The following MAP3K20 variants were observed in gnomAD, a reference collection of about 807,000 sequenced individuals.
The protein encoded by MAP3K20 is mitogen-activated protein kinase kinase kinase 20, also known as HCCS-4.
In MAP3K20, 40 loss-of-function variants were observed where a neutral mutation model predicts 85.7. The ratio of observed to expected loss-of-function variants is 0.47; its 90% CI spans 0.36 to 0.61. The LOEUF is 0.61. Among genes scored for constraint, MAP3K20 ranks in the 20% least tolerant of loss-of-function variants. MAP3K20 has a pLI of 0.00. For synonymous variants in MAP3K20, 325 were observed against 327.7 expected (o/e 0.99, Z 0.09); for missense variants, 817 against 961.7 (o/e 0.85, Z 1.99).
At chr2:173,173,603 A>C (rs753762906) in intron 3 of MAP3K20, among the ~76,000 whole-genome samples, 2 of 152,214 alleles carry the variant, frequency 1.3e-5, no homozygotes, top group Non-Finnish European at 2.9e-5. Context: ...GATTTATTTT[A>C]AGCACAGATA....
intron 11 of MAP3K20, chr2:173,221,371 C>T: frequency 6.2e-7 from 1 of 1,613,960 alleles, no homozygotes. Context: ...TGCAGATAAA[C>T]ATGCAAGCCA....
intron 3 of MAP3K20, among the ~76,000 whole-genome samples, chr2:173,174,385 G>A (rs1244002911): frequency 6.6e-6 from 1 of 152,164 alleles, no homozygotes; most frequent in African/African-American, 2.4e-5. Context: ...AGGCCCTGGT[G>A]TGTGATGTTC....
At chr2:173,082,549 G>A (rs944543569) in intron 1 of MAP3K20, among the ~76,000 whole-genome samples, 6 of 152,232 alleles carry the variant, frequency 3.9e-5, no homozygotes, top group African/African-American at 1.4e-4. Context: ...AACAAGGGCT[G>A]AGTAGCAGCA....
chr2:173,119,932 A>G (rs1688232012), intron 2 of MAP3K20, among the ~76,000 whole-genome samples: 1 of 152,196 alleles, frequency 6.6e-6, no homozygotes, highest in African/African-American at 2.4e-5. Context: ...CAATTTGTAT[A>G]TAAAATAACA....
chr2:173,076,163 C>T (rs1686850167), intron 1 of MAP3K20, among the ~76,000 whole-genome samples, 161 bp downstream of exon 1: 1 of 151,318 alleles, frequency 6.6e-6, no homozygotes, highest in South Asian at 2.1e-4. Context: ...GACCCAGGGC[C>T]CGCCCGGCGG....
At chr2:173,262,133 T>C (rs533740815) in intron 18 of MAP3K20, among the ~76,000 whole-genome samples, 1 of 152,328 alleles carries the variant, frequency 6.6e-6, no homozygotes, top group Non-Finnish European at 1.5e-5. Flanking sequence ...GACAGAATTG[T>C]TGAAGTCAAT....
intron 2 of MAP3K20, among the ~76,000 whole-genome samples, chr2:173,139,599 T>C (rs1006938299): frequency 2.6e-5 from 4 of 152,234 alleles, no homozygotes. Flanking sequence ...CTGATTGTTA[T>C]CTTACTTATA....
At chr2:173,105,882 T>G (rs1451733925) in intron 2 of MAP3K20, among the ~76,000 whole-genome samples, 1 of 152,184 alleles carries the variant, frequency 6.6e-6, no homozygotes, top group East Asian at 1.9e-4. Context: ...CCCTGAATTA[T>G]GCACTTAAAA....
At chr2:173,222,528 C>T (rs1228594865) in intron 11 of MAP3K20, 5 of 985,644 alleles carry the variant, frequency 5.1e-6, no homozygotes, top group African/African-American at 3.5e-5. Context: ...TAAGGGGATG[C>T]TTCCAGGGGG....
In MAP3K20 at chr2:173,261,149, G is replaced by A; in HGVS notation, c.1551+12G>A. 2 of 1,613,116 alleles carry A rather than the reference G, an allele frequency of 1.2e-6. No homozygotes were observed. The highest frequency in any genetic ancestry group is 1.7e-6 in the Non-Finnish European group (2 of 1,179,368). ...CTGTCACATATGAGGTAAGCTCTGG[G>A]GGCAAGAGGCTGGTGGCCTCACCAT... On this transcript the variant is annotated intron_variant, in intron 18 of 19. Transcript: ENST00000375213.
chr2:173,232,420 C>G lies in MAP3K20; in HGVS notation c.1164C>G (p.Asp388Glu). The G allele has an allele frequency of 5.6e-6, 9 of 1,614,236 alleles. No individual in the cohort carries two copies. Among genetic ancestry groups the G allele is most frequent in the Non-Finnish European group, 7.6e-6 (9 of 1,180,044 alleles). ...LLLLEEEDLKDMGIVSKGHII... is the reference protein window; with the variant it reads ...LLLLEEEDLKEMGIVSKGHII... The stretch of plus-strand genomic sequence containing the variant: ...TGCTGGAGGAAGAAGACCTGAAAGA[C>G]ATGGGCATTGTCTCCAAGGGGCATA... Residue 388 changes from aspartate (D) to glutamate (E), a missense_variant, in exon 14 of 20, where the codon GAC (aspartate) becomes GAG (glutamate). Coordinates refer to ENST00000375213, the MANE Select transcript of MAP3K20 (RefSeq NM_016653.3).
At chr2:173,171,264 AT>A (rs1216311542) in intron 3 of MAP3K20, among the ~76,000 whole-genome samples, 2 of 152,070 alleles carry the variant, frequency 1.3e-5, no homozygotes, top group Non-Finnish European at 2.9e-5. Flanking sequence ...TGTCCATTGT[AT>A]CTACTTCTTT....
intron 9 of MAP3K20, 29 bp from the exon 10 acceptor site, chr2:173,209,700 C>G (rs182417621): frequency 6.4e-7 from 1 of 1,571,458 alleles, no homozygotes; most frequent in African/African-American, 1.4e-5. Flanking sequence ...TAAGTCCCAG[C>G]GAATGATTAC....
chr2:173,188,304 A>G (rs1690550252), intron 5 of MAP3K20, among the ~76,000 whole-genome samples: 1 of 152,230 alleles, frequency 6.6e-6, no homozygotes, highest in Non-Finnish European at 1.5e-5. Context: ...CTGTTACATC[A>G]CTTCAGAGTT....
intron 14 of MAP3K20, among the ~76,000 whole-genome samples, chr2:173,236,102 C>T (rs1331089555): frequency 6.6e-6 from 1 of 151,762 alleles, no homozygotes; most frequent in African/African-American, 2.4e-5. Flanking sequence ...CTTGCCTCTG[C>T]AAAAAATGCA....
intron 2 of MAP3K20, among the ~76,000 whole-genome samples, chr2:173,108,350 C>T (rs535188686): frequency 6.6e-6 from 1 of 152,188 alleles, no homozygotes; most frequent in South Asian, 2.1e-4. Flanking sequence ...AGGCTGGTCT[C>T]GAACTCCTGA....
At chr2:173,217,306 G>GAGCATGGC (rs1684104885) in intron 11 of MAP3K20, 56 bp downstream of exon 11, 5 of 1,394,184 alleles carry the variant, frequency 3.6e-6, no homozygotes, top group Non-Finnish European at 3.8e-6. Flanking sequence ...CTGCGCAGCT[G>GAGCATGGC]AGCATGGCAG....
At chr2:173,126,312 T>C (rs1041268874) in intron 2 of MAP3K20, among the ~76,000 whole-genome samples, 1 of 152,084 alleles carries the variant, frequency 6.6e-6, no homozygotes, top group African/African-American at 2.4e-5. Flanking sequence ...ATTCTAGTGG[T>C]GATATTGGGG....
At chr2:173,229,795 AG>A (rs1245385050) in intron 12 of MAP3K20, 62 bp downstream of exon 12, 20 of 1,578,584 alleles carry the variant, frequency 1.3e-5, no homozygotes, top group Non-Finnish European at 1.7e-5. Context: ...TTTTTCCCTA[AG>A]TTTTTAGGGG....
Sources: gnomAD v4.1 joint callset for allele counts (sites outside exome capture counted in the v4.1 genomes callset) on GRCh38, gnomAD v4.1.1 for gene constraint, MANE v1.5 for transcripts, NCBI Gene and HGNC (gene_info 2026-07-23, HGNC 2026-07-21) for gene names.